Variants in CSMD2 observed in about 807,000 individuals in gnomAD.
The protein encoded by CSMD2 is CUB and sushi domain-containing protein 2.
CSMD2 carries 130 observed loss-of-function variants against 398.5 expected under a neutral mutation model. The ratio of observed to expected loss-of-function variants is 0.33; its 90% CI spans 0.28 to 0.38. The LOEUF (loss-of-function observed/expected upper bound fraction) is 0.38, where lower values mean the gene tolerates loss of function less well. CSMD2 is among the 10% of genes least tolerant of loss of function. The pLI is 1.00. For missense variants in CSMD2, 3,829 were observed against 4,764.9 expected, an observed-to-expected ratio of 0.80 and a Z score of 5.78; for synonymous variants, 1,828 against 1,908.5, an observed-to-expected ratio of 0.96 and a Z score of 1.10.
rs1325915652 is a variant in CSMD2 at position 33,865,695 on chromosome 1, A to C, written c.921-18699T>G. ...GCCATTTGCCATCTCATAGGGCCCA[A>C]GAAGGAGGCCGAGATGCTAGAATCC... On this transcript the variant is annotated intron_variant, in intron 5 of 70. Coordinates refer to ENST00000373381, the MANE Select transcript of CSMD2 (RefSeq NM_001281956.2). Among the ~76,000 whole-genome samples the C allele has an allele frequency of 3.3e-5, 5 of 152,322 alleles. No homozygotes were observed. The East Asian group carries it at 5.8e-4, about 18-fold the overall frequency.
At position 33,537,702 on chromosome 1, in the gene CSMD2, C is replaced by T; in HGVS notation, c.9632-93G>A. On this transcript the variant is annotated intron_variant, in intron 60 of 70. Coordinates refer to ENST00000373381, the MANE Select transcript of CSMD2 (RefSeq NM_001281956.2). The surrounding 1 kb of genome is among the most constrained non-coding windows in gnomAD (Gnocchi z 4.6). ...CCCCATCTTTGTTCTTTGCACTGCT[C>T]CCTTCCTGGTTGAGCTTGAACTCTG... The T allele has an allele frequency of 7.5e-7, 1 of 1,341,706 alleles. No individual in the cohort carries two copies. Among genetic ancestry groups the T allele is most frequent in the Non-Finnish European group, 1.0e-6 (1 of 995,896 alleles). 83.1% of individuals were successfully genotyped at this position (1,341,706 alleles called of 1,614,324 possible). A position where few individuals can be genotyped will look rare whatever the true frequency, so the allele number is the denominator to read the frequency against.
At chr1:33,935,991 T>G in intron 3 of CSMD2, 37 bp from the exon 4 acceptor site, 1 of 1,564,350 alleles carries the variant, frequency 6.4e-7, no homozygotes. Flanking sequence ...GGGTACCCCG[T>G]GAGCTGGGCT....
chr1:33,608,225 C>T (rs566300724), intron 41 of CSMD2, among the ~76,000 whole-genome samples: 9 of 152,230 alleles, frequency 5.9e-5, no homozygotes, highest in East Asian at 1.9e-4. Context: ...GAATCTGAGG[C>T]GGTCACACAG....
At chr1:34,007,275 G>A (rs1038326969) in intron 3 of CSMD2, among the ~76,000 whole-genome samples, 3 of 152,138 alleles carry the variant, frequency 2.0e-5, no homozygotes, top group African/African-American at 7.2e-5. Flanking sequence ...CATACAAGGA[G>A]CACTTACTCG....
intron 3 of CSMD2, among the ~76,000 whole-genome samples, chr1:33,979,375 GGGACAGA>G (rs71784696): frequency 0.24 from 36,469 of 151,792 alleles, 5,429 homozygotes; most frequent in Non-Finnish European, 0.34. Flanking sequence ...TTGAATTAAT[GGGACAGA>G]GATGAAGGAG....
At chr1:33,520,016 C>A (rs1654120058) in intron 68 of CSMD2, 66 bp from the exon 69 acceptor site, 3 of 1,576,080 alleles carry the variant, frequency 1.9e-6, no homozygotes, top group Non-Finnish European at 2.6e-6. Flanking sequence ...TGGCTACCCT[C>A]CCCGACTATA....
intron 39 of CSMD2, 44 bp from the exon 40 acceptor site, chr1:33,614,664 G>T: frequency 8.8e-7 from 1 of 1,140,204 alleles, no homozygotes; most frequent in Non-Finnish European, 1.3e-6. Flanking sequence ...AACATCAAGG[G>T]GTGTACAGGG....
intron 22 of CSMD2, among the ~76,000 whole-genome samples, chr1:33,708,617 T>TA (rs1553180016): frequency 6.7e-6 from 1 of 150,250 alleles, no homozygotes; most frequent in Non-Finnish European, 1.5e-5. Context: ...TTATTATTAT[T>TA]TTGAGACAGG....
intron 1 of CSMD2, among the ~76,000 whole-genome samples, chr1:34,158,319 G>A (rs1640993079): frequency 6.6e-6 from 1 of 152,160 alleles, no homozygotes; most frequent in Non-Finnish European, 1.5e-5. Context: ...TCTATTTGCA[G>A]GTTCACCCCG....
chr1:33,843,010 C>T (rs1012568438), intron 6 of CSMD2, among the ~76,000 whole-genome samples: 6 of 152,158 alleles, frequency 3.9e-5, no homozygotes, highest in Non-Finnish European at 7.4e-5. Flanking sequence ...TTTTGGCTTT[C>T]CTTAAATCCT....
chr1:33,907,953 G>A (rs1643205839), intron 5 of CSMD2, among the ~76,000 whole-genome samples: 1 of 152,038 alleles, frequency 6.6e-6, no homozygotes, highest in Non-Finnish European at 1.5e-5. Context: ...TGGGCATGGT[G>A]GCATGTGCCT....
chr1:33,613,980 A>T (rs1195045713), intron 40 of CSMD2, among the ~76,000 whole-genome samples: 1 of 152,134 alleles, frequency 6.6e-6, no homozygotes, highest in East Asian at 1.9e-4. Flanking sequence ...CCAAAAAAAC[A>T]ACCTTCCCAG....
At chr1:33,627,923 C>T (rs1006551401) in intron 32 of CSMD2, among the ~76,000 whole-genome samples, 7 of 152,180 alleles carry the variant, frequency 4.6e-5, no homozygotes, top group Non-Finnish European at 2.9e-5. Context: ...TGAAGGCACA[C>T]GGGCCTCCAT....
chr1:34,130,016 C>T (rs1490173249), intron 1 of CSMD2, among the ~76,000 whole-genome samples: 4 of 152,138 alleles, frequency 2.6e-5, no homozygotes, highest in African/African-American at 9.7e-5. Context: ...AGACTCCAGG[C>T]CCTGGGGAGC....
At chr1:33,711,813 C>G (rs778154351) in intron 21 of CSMD2, among the ~76,000 whole-genome samples, 1 of 152,198 alleles carries the variant, frequency 6.6e-6, no homozygotes, top group Non-Finnish European at 1.5e-5. Context: ...CCTTCCCACA[C>G]GCCTGATACC....
chr1:33,664,083 A>G (rs1296251409), intron 25 of CSMD2, among the ~76,000 whole-genome samples: 1 of 152,304 alleles, frequency 6.6e-6, no homozygotes, highest in East Asian at 1.9e-4. Context: ...TCTCTTTTTA[A>G]AAATATCTTT....
intron 4 of CSMD2, among the ~76,000 whole-genome samples, chr1:33,922,319 G>A (rs1383473695): frequency 6.6e-6 from 1 of 152,058 alleles, no homozygotes. Flanking sequence ...GGGAAGGGAG[G>A]GGCACTCAGG....
intron 44 of CSMD2, among the ~76,000 whole-genome samples, chr1:33,589,830 C>A (rs920015428): frequency 2.0e-5 from 3 of 152,148 alleles, no homozygotes; most frequent in Non-Finnish European, 4.4e-5. Context: ...TCAAGGTTGA[C>A]CTTAGCCGTT....
Position 33,700,546 on chromosome 1 carries a change from G to C in CSMD2, c.3704C>G (p.Thr1235Ser), listed in dbSNP as rs1459297417. 1 of 1,614,184 alleles carries C rather than the reference G, an allele frequency of 6.2e-7. No individual in the cohort carries two copies. The highest frequency in any genetic ancestry group is 8.5e-7 in the Non-Finnish European group (1 of 1,180,014). The change falls in exon 23 of 71, where the codon ACC becomes AGC. Residue 1235 changes from threonine (T) to serine (S), a missense_variant. By Grantham distance (58) the Thr-to-Ser change is moderately conservative. Transcript: ENST00000373381. ...AAAGTGCAGTTCAAAGCCCTTGCTG[G>C]TGTTTTCAGCATCAGTGATGAAATC... ...WLDFITDAEN[T>S]SKGFELHFSS...
Sources: gnomAD v4.1 joint callset for allele counts (sites outside exome capture counted in the v4.1 genomes callset) on GRCh38, gnomAD v4.1.1 for gene constraint, Gnocchi (gnomAD v3.1) non-coding constraint, MANE v1.5 for transcripts, NCBI Gene and HGNC (gene_info 2026-07-23, HGNC 2026-07-21) for gene names.